The following METTL8 variants were observed in gnomAD, a reference collection of about 807,000 sequenced individuals.
The protein encoded by METTL8 is tRNA N(3)-cytidine methyltransferase METTL8, mitochondrial.
Under a neutral mutation model 48.7 loss-of-function variants are expected in METTL8, and 32 were observed. That is an observed-to-expected ratio of 0.66 (90% CI 0.50 to 0.88). METTL8 has a LOEUF of 0.88. Among genes scored for constraint, METTL8 ranks in the 40% least tolerant of loss-of-function variants. The pLI is 0.00. For synonymous variants in METTL8, 136 were observed against 157.1 expected (o/e 0.87, Z 1.01); for missense variants, 464 against 474.4 (o/e 0.98, Z 0.20).
chr2:171,370,879 G>A (rs1686259541), intron 2 of METTL8, among the ~76,000 whole-genome samples: 1 of 152,154 alleles, frequency 6.6e-6, no homozygotes, highest in African/African-American at 2.4e-5. Flanking sequence ...AGGTAATTAA[G>A]GTGAACAGGA....
rs183033227 is a variant in METTL8 at position 171,327,458 on chromosome 2, G to A, written c.861-1310C>T. 3.6e-3 allele frequency among the ~76,000 whole-genome samples: 548 copies of A among 152,344 alleles called. 1 individual carries two copies. The highest frequency in any genetic ancestry group is 5.7e-3 in the Non-Finnish European group (385 of 68,034). The stretch of plus-strand genomic sequence containing the variant: ...GAGAATGGTAAATGGCAGCTTGTGT[G>A]CTAAGTCCTTGTCTCTGCCTTATCT... On this transcript the variant is annotated intron_variant, in intron 7 of 9. Transcript: ENST00000375258.
chr2:171,320,683 T>C lies in METTL8; in HGVS notation c.*3489A>G, dbSNP rs1684483171. The C allele has an allele frequency of 1.3e-5, 2 of 152,192 alleles. No homozygotes were observed. The highest frequency in any genetic ancestry group is 2.4e-5 in the African/African-American group (1 of 41,442). 9.4% of individuals were successfully genotyped at this position (152,192 alleles called of 1,614,324 possible). On this transcript the variant is annotated 3_prime_UTR_variant, in exon 10 of 10. Coordinates refer to ENST00000375258, the MANE Select transcript of METTL8 (RefSeq NM_001321154.2). ...ACTTTAATTATGAAATACAACTGAG[T>C]TAAGAGTCTTGGGCAAATTTTAATG...
intron 1 of METTL8, among the ~76,000 whole-genome samples, chr2:171,418,106 G>A (rs1574218702): frequency 6.6e-6 from 1 of 152,046 alleles, no homozygotes; most frequent in East Asian, 1.9e-4. Flanking sequence ...ACCATGCCCG[G>A]CTAATTTTTT....
chr2:171,332,335 T>A, intron 5 of METTL8: 1 of 156,478 alleles, frequency 6.4e-6, no homozygotes, highest in Non-Finnish European at 1.4e-5. Context: ...GGCTGGAGTA[T>A]AGTGGCACAA....
chr2:171,378,505 G>A (rs545659535), intron 2 of METTL8, among the ~76,000 whole-genome samples: 113 of 152,146 alleles, frequency 7.4e-4, no homozygotes, highest in Non-Finnish European at 1.2e-3. Context: ...GGTGGCATGC[G>A]CCTGTAGTCC....
intron 1 of METTL8, among the ~76,000 whole-genome samples, chr2:171,392,501 T>C (rs1688668151): frequency 1.3e-5 from 2 of 152,216 alleles, no homozygotes; most frequent in African/African-American, 4.8e-5. Context: ...AAAGCATGTC[T>C]GAATTTGTGT....
Position 171,318,441 on chromosome 2 carries a change from T to A in METTL8, c.*5731A>T, listed in dbSNP as rs955274503. 1.3e-5 allele frequency: 2 copies of A among 152,056 alleles called. No homozygotes were observed. The highest frequency in any genetic ancestry group is 2.9e-5 in the Non-Finnish European group (2 of 68,004). 9.4% of individuals were successfully genotyped at this position (152,056 alleles called of 1,614,324 possible). On this transcript the variant is annotated 3_prime_UTR_variant, in exon 10 of 10. Coordinates refer to ENST00000375258, the MANE Select transcript of METTL8 (RefSeq NM_001321154.2). ...AATCCTTTTGAAGACATTTTAAGGGTTTTTTTTCCCCACTGCAGTACAGAA... is the reference window on the plus strand; with the variant it reads ...AATCCTTTTGAAGACATTTTAAGGGATTTTTTTCCCCACTGCAGTACAGAA...
At chr2:171,387,519 G>A (rs1046407345) in intron 2 of METTL8, among the ~76,000 whole-genome samples, 1 of 151,212 alleles carries the variant, frequency 6.6e-6, no homozygotes, top group Non-Finnish European at 1.5e-5. Flanking sequence ...GACAGAGCGA[G>A]ACTCTGTCTT....
intron 3 of METTL8, among the ~76,000 whole-genome samples, chr2:171,347,033 AC>A (rs1459267203): frequency 1.3e-5 from 2 of 152,222 alleles, no homozygotes; most frequent in African/African-American, 4.8e-5. Flanking sequence ...TAAGATGGTC[AC>A]CCCCATAATG....
At chr2:171,395,332 T>C (rs1688953230) in intron 1 of METTL8, among the ~76,000 whole-genome samples, 2 of 151,862 alleles carry the variant, frequency 1.3e-5, no homozygotes, top group South Asian at 2.1e-4. Flanking sequence ...AGAAAACAAA[T>C]ACCAAGATAG....
At position 171,325,713 on chromosome 2, in the gene METTL8, G is replaced by T. The variant is rs910789918; in HGVS notation, c.1033+128C>A. ...ATGTAGACCAGTAATAAGCATCAAA[G>T]TATGAAGACATCTAATGCTTAATCA... On this transcript the variant is annotated intron_variant, in intron 9 of 9. Transcript: ENST00000375258. The T allele has an allele frequency of 9.5e-6, 6 of 629,462 alleles. No homozygotes were observed. In the African/African-American group the frequency reaches 1.1e-4, roughly 12 times the overall value. 39.0% of individuals were successfully genotyped at this position (629,462 alleles called of 1,614,324 possible).
At chr2:171,356,585 T>C (rs1343485104) in intron 3 of METTL8, among the ~76,000 whole-genome samples, 1 of 151,700 alleles carries the variant, frequency 6.6e-6, no homozygotes, top group East Asian at 1.9e-4. Flanking sequence ...TCCTGGCCCC[T>C]GGTAATTACC....
intron 9 of METTL8, among the ~76,000 whole-genome samples, chr2:171,324,875 A>G (rs1330928854): frequency 1.3e-5 from 2 of 152,120 alleles, no homozygotes; most frequent in Non-Finnish European, 2.9e-5. Context: ...CAGCCTGGCC[A>G]GGGTGAATCA....
At chr2:171,379,774 A>G (rs1262104721) in intron 2 of METTL8, among the ~76,000 whole-genome samples, 2 of 152,210 alleles carry the variant, frequency 1.3e-5, no homozygotes, top group African/African-American at 4.8e-5. Flanking sequence ...CCAACCAAAA[A>G]AAGCCCAGGA....
At chr2:171,414,949 A>T (rs1691149036) in intron 1 of METTL8, among the ~76,000 whole-genome samples, 1 of 152,036 alleles carries the variant, frequency 6.6e-6, no homozygotes, top group Non-Finnish European at 1.5e-5. Context: ...TTATAAGGGG[A>T]AACCCCTTTC....
intron 9 of METTL8, 49 bp from the exon 10 acceptor site, chr2:171,324,411 G>A (rs1355126728): frequency 4.7e-6 from 7 of 1,480,352 alleles, no homozygotes; most frequent in Non-Finnish European, 6.4e-6. Flanking sequence ...ACTAGAGATG[G>A]GGGAGGTCAG....
At chr2:171,346,752 C>G (rs1452264145) in intron 3 of METTL8, among the ~76,000 whole-genome samples, 1 of 152,204 alleles carries the variant, frequency 6.6e-6, no homozygotes, top group Non-Finnish European at 1.5e-5. Flanking sequence ...CAGGTCACTG[C>G]TTCCTCTGGG....
intron 1 of METTL8, among the ~76,000 whole-genome samples, chr2:171,406,125 G>C (rs529121152): frequency 1.3e-5 from 2 of 152,306 alleles, no homozygotes; most frequent in Middle Eastern, 6.8e-3. Context: ...ATTGAAGCCA[G>C]AGGTGAACAT....
intron 2 of METTL8, among the ~76,000 whole-genome samples, chr2:171,379,525 T>C (rs571178694): frequency 2.0e-5 from 3 of 149,906 alleles, no homozygotes; most frequent in African/African-American, 7.3e-5. Context: ...ACTAGACTAA[T>C]AAGAAAAGAG....
Sources: gnomAD v4.1 joint callset for allele counts (sites outside exome capture counted in the v4.1 genomes callset) on GRCh38, gnomAD v4.1.1 for gene constraint, MANE v1.5 for transcripts, NCBI Gene and HGNC (gene_info 2026-07-23, HGNC 2026-07-21) for gene names.